The following ERBB4 variants were observed in gnomAD, a reference collection of about 807,000 sequenced individuals.
ERBB4 encodes erb-b2 receptor tyrosine kinase 4.
ERBB4 carries 42 observed loss-of-function variants against 158.0 expected under a neutral mutation model. That is an observed-to-expected ratio of 0.27 (90% CI 0.21 to 0.34). The LOEUF (loss-of-function observed/expected upper bound fraction) is 0.34. Ranked by LOEUF, ERBB4 falls within the 10% of genes least tolerant of loss-of-function variation. The pLI is 1.00. For synonymous variants in ERBB4, 583 were observed against 558.7 expected, an observed-to-expected ratio of 1.04 and a Z score of -0.61; for missense variants, 1,333 against 1,624.1, an observed-to-expected ratio of 0.82 and a Z score of 3.08.
chr2:212,426,812 C>A (rs913466098), intron 1 of ERBB4, among the ~76,000 whole-genome samples: 7 of 151,988 alleles, frequency 4.6e-5, no homozygotes, highest in African/African-American at 1.7e-4. Context: ...GGCCCACCCA[C>A]AAAGTAAATG....
rs1420098634 is a variant in ERBB4 at position 211,383,935 on chromosome 2, C to A, written c.3607G>T (p.Val1203Leu). The change falls in exon 28 of 28, where the codon GTG becomes TTG. Residue 1203 changes from valine (V) to leucine (L), a missense_variant. Val to Leu is a conservative substitution (Grantham distance 32, BLOSUM62 1). Coordinates refer to ENST00000342788, the MANE Select transcript of ERBB4 (RefSeq NM_005235.3). ...NGPPKAEDEY[V>L]NEPLYLNTFA... ...GTGTTGAGGTACAGTGGCTCATTCACATACTCATCCTCGGCCTTGGGTGGA... is the reference window on the plus strand; with the variant it reads ...GTGTTGAGGTACAGTGGCTCATTCAAATACTCATCCTCGGCCTTGGGTGGA... The A allele has an allele frequency of 6.2e-7, 1 of 1,614,128 alleles. No individual in the cohort carries two copies. The highest frequency in any genetic ancestry group is 8.5e-7 in the Non-Finnish European group (1 of 1,180,016).
At position 211,909,550 on chromosome 2, in the gene ERBB4, C is replaced by T. The variant is rs373682751; in HGVS notation, c.421+37880G>A. ...TTAATACTATAAACAATTATAAAGA[C>T]AATGGCAAGTATTTGTGTATCTAAT... On this transcript the variant is annotated intron_variant, in intron 3 of 27. Coordinates refer to ENST00000342788, the MANE Select transcript of ERBB4 (RefSeq NM_005235.3). Among the ~76,000 whole-genome samples the T allele has an allele frequency of 4.0e-5, 6 of 151,668 alleles. 2 individuals are homozygous for T. In the East Asian group the frequency reaches 5.9e-4, roughly 15 times the overall value.
At chr2:211,826,107 T>C (rs1307166675) in intron 3 of ERBB4, among the ~76,000 whole-genome samples, 1 of 151,490 alleles carries the variant, frequency 6.6e-6, no homozygotes, top group Non-Finnish European at 1.5e-5. Flanking sequence ...GAAAACAGAC[T>C]GAAATATAAT....
At chr2:211,580,837 T>TAATATA (rs376463638) in intron 19 of ERBB4, among the ~76,000 whole-genome samples, 16 of 69,294 alleles carry the variant, frequency 2.3e-4, no homozygotes, top group South Asian at 9.8e-4. Context: ...TATATATAGA[T>TAATATA]TATATATTAT....
chr2:211,490,116 T>C (rs530991502), intron 20 of ERBB4, among the ~76,000 whole-genome samples: 3 of 152,174 alleles, frequency 2.0e-5, no homozygotes, highest in South Asian at 4.1e-4. Context: ...TTGGTCTTCA[T>C]TGGGTAAAGA....
At chr2:212,207,680 G>A (rs7581884) in intron 1 of ERBB4, among the ~76,000 whole-genome samples, 149,240 of 152,274 alleles carry the variant, frequency 0.98, 73,230 homozygotes, top group Middle Eastern at 1. Flanking sequence ...TGTGTAATCT[G>A]TATAATACGA....
At chr2:211,833,797 C>T (rs2077276903) in intron 3 of ERBB4, among the ~76,000 whole-genome samples, 1 of 151,852 alleles carries the variant, frequency 6.6e-6, no homozygotes, top group African/African-American at 2.4e-5. Context: ...AAATGAATAT[C>T]AGATTAGACT....
intron 20 of ERBB4, among the ~76,000 whole-genome samples, chr2:211,454,031 C>G (rs1023483463): frequency 2.0e-5 from 3 of 152,130 alleles, no homozygotes; most frequent in Non-Finnish European, 2.9e-5. Context: ...ATCCAAATGT[C>G]TCTGGAAAAA....
chr2:212,206,421 T>C (rs546517427), intron 1 of ERBB4, among the ~76,000 whole-genome samples: 22 of 152,288 alleles, frequency 1.4e-4, no homozygotes, highest in African/African-American at 5.3e-4. Context: ...TTGGTTACTA[T>C]TGCATGGGAT....
At chr2:212,529,939 G>C (rs1692658432) in intron 1 of ERBB4, among the ~76,000 whole-genome samples, 1 of 152,208 alleles carries the variant, frequency 6.6e-6, no homozygotes, top group South Asian at 2.1e-4. Flanking sequence ...ATAGTCATGA[G>C]ATATTGACTA....
Position 211,793,247 on chromosome 2 carries a change from TCTA to T in ERBB4, c.422-5091_422-5089del, listed in dbSNP as rs1039608344. The stretch of plus-strand genomic sequence containing the variant: ...CGATATTATCAGTGAACATTTTAAT[TCTA>T]CTCAAAATCTACCAACCATATGATA... On this transcript the variant is annotated intron_variant, in intron 3 of 27. Coordinates refer to ENST00000342788, the MANE Select transcript of ERBB4 (RefSeq NM_005235.3). Among the ~76,000 whole-genome samples, 18 of 151,928 alleles carry T rather than the reference TCTA, an allele frequency of 1.2e-4. 1 individual carries two copies. Among genetic ancestry groups the T allele is most frequent in the African/African-American group, 4.1e-4 (17 of 41,416 alleles).
chr2:211,493,367 T>C (rs531923122), intron 20 of ERBB4, among the ~76,000 whole-genome samples: 2 of 152,246 alleles, frequency 1.3e-5, no homozygotes, highest in South Asian at 2.1e-4. Flanking sequence ...TTCCTTTCAC[T>C]ACCCTATTTC....
chr2:211,561,943 C>A lies in ERBB4; in HGVS notation c.2447G>T (p.Gly816Val), dbSNP rs2067405116. 6.2e-7 allele frequency: 1 copy of A among 1,613,998 alleles called. No homozygotes were observed. Among genetic ancestry groups the A allele is most frequent in the Admixed American group, 1.7e-5 (1 of 60,002 alleles). ...ACACCAGTTAAGCAGCAGTTGTGAT[C>A]CAATGTTATCCTTGTGCTCGTGGAC... ...EYVHEHKDNI[G>V]SQLLLNWCVQ... The change falls in exon 20 of 28, where the codon GGA (glycine) becomes GTA (valine). Residue 816 changes from glycine (G) to valine (V), a missense_variant. Physicochemically the swap from Gly to Val is moderately radical, Grantham distance 109 (BLOSUM62 -3). Coordinates refer to ENST00000342788, the MANE Select transcript of ERBB4 (RefSeq NM_005235.3).
chr2:212,094,574 TAA>T (rs947264579), intron 2 of ERBB4, among the ~76,000 whole-genome samples: 1 of 147,924 alleles, frequency 6.8e-6, no homozygotes, highest in African/African-American at 2.5e-5. Context: ...AATAAAAAAA[TAA>T]AAAAAAAAAG....
intron 1 of ERBB4, among the ~76,000 whole-genome samples, chr2:212,387,908 T>C (rs921211438): frequency 6.6e-6 from 1 of 152,092 alleles, no homozygotes; most frequent in Non-Finnish European, 1.5e-5. Flanking sequence ...ATTCAGAGCA[T>C]TGTATAATTA....
chr2:211,482,725 G>T (rs2065115238), intron 20 of ERBB4, among the ~76,000 whole-genome samples: 2 of 152,146 alleles, frequency 1.3e-5, no homozygotes, highest in African/African-American at 4.8e-5. Context: ...GAACAACATG[G>T]AGAAACCCTG....
intron 2 of ERBB4, among the ~76,000 whole-genome samples, chr2:211,959,820 T>C (rs555313832): frequency 5.5e-4 from 84 of 152,220 alleles, no homozygotes; most frequent in Middle Eastern, 3.4e-3. Context: ...TGGAGATGTA[T>C]AAAACATGAC....
At chr2:211,965,106 C>A (rs959131819) in intron 2 of ERBB4, among the ~76,000 whole-genome samples, 1 of 152,108 alleles carries the variant, frequency 6.6e-6, no homozygotes, top group African/African-American at 2.4e-5. Flanking sequence ...CTAATTGCCT[C>A]TGCAATACCA....
intron 1 of ERBB4, among the ~76,000 whole-genome samples, chr2:212,273,122 T>G (rs2085403301): frequency 6.6e-6 from 1 of 151,708 alleles, no homozygotes; most frequent in Non-Finnish European, 1.5e-5. Flanking sequence ...CTTTCACCAT[T>G]TCTGGAAAAA....
Sources: gnomAD v4.1 joint callset for allele counts (sites outside exome capture counted in the v4.1 genomes callset) on GRCh38, gnomAD v4.1.1 for gene constraint, MANE v1.5 for transcripts, NCBI Gene and HGNC (gene_info 2026-07-23, HGNC 2026-07-21) for gene names.